Variants in LARGE1 observed in about 807,000 individuals in gnomAD.
LARGE1 encodes LARGE xylosyl- and glucuronyltransferase 1, also known as xylosyl- and glucuronyltransferase LARGE1.
In LARGE1, 43 loss-of-function variants were observed where a neutral mutation model predicts 87.6. The ratio of observed to expected loss-of-function variants is 0.49; its 90% CI spans 0.38 to 0.63. The LOEUF is 0.63. LARGE1 is among the 30% of genes least tolerant of loss of function. The pLI is 0.00. For synonymous variants in LARGE1, 434 were observed against 394.6 expected, an observed-to-expected ratio of 1.10 and a Z score of -1.18; for missense variants, 802 against 1,000.2, an observed-to-expected ratio of 0.80 and a Z score of 2.67.
chr22:33,522,515 A>T (rs2071657726), intron 6 of LARGE1, among the ~76,000 whole-genome samples: 1 of 152,048 alleles, frequency 6.6e-6, no homozygotes, highest in African/African-American at 2.4e-5. Flanking sequence ...CCTGGGCAAC[A>T]TAGGGAGACT....
intron 7 of LARGE1, among the ~76,000 whole-genome samples, 193 bp downstream of exon 7, chr22:33,431,968 C>T (rs554825999): frequency 6.6e-6 from 1 of 152,134 alleles, no homozygotes; most frequent in Non-Finnish European, 1.5e-5. Context: ...TGCCACAGCC[C>T]AACGGTTACT....
chr22:33,447,140 C>T (rs1315448704), intron 6 of LARGE1, among the ~76,000 whole-genome samples: 2 of 152,158 alleles, frequency 1.3e-5, no homozygotes, highest in Admixed American at 1.3e-4. Flanking sequence ...GTGATCCACC[C>T]GTCTTGGCCT....
intron 13 of LARGE1, among the ~76,000 whole-genome samples, chr22:33,279,059 G>A (rs1444509238): frequency 6.6e-6 from 1 of 152,104 alleles, no homozygotes; most frequent in East Asian, 1.9e-4. Flanking sequence ...ACACTTCCTG[G>A]CCTGTTGAAC....
intron 9 of LARGE1, among the ~76,000 whole-genome samples, chr22:33,367,534 C>A (rs1237271283): frequency 6.6e-6 from 1 of 152,116 alleles, no homozygotes; most frequent in Non-Finnish European, 1.5e-5. Context: ...CCTGCCTCAG[C>A]CTCTCTAGGA....
At chr22:33,715,977 C>A (rs375460710) in intron 2 of LARGE1, among the ~76,000 whole-genome samples, 1 of 152,210 alleles carries the variant, frequency 6.6e-6, no homozygotes, top group Non-Finnish European at 1.5e-5. Context: ...TTCCCCATTA[C>A]TAACTACTAA....
At chr22:33,665,612 G>A (rs2081246302) in intron 2 of LARGE1, among the ~76,000 whole-genome samples, 1 of 152,178 alleles carries the variant, frequency 6.6e-6, no homozygotes, top group South Asian at 2.1e-4. Context: ...CAGAAACAGG[G>A]CTGCGCGCGG....
At chr22:33,679,639 C>T (rs568059265) in intron 2 of LARGE1, among the ~76,000 whole-genome samples, 11 of 152,064 alleles carry the variant, frequency 7.2e-5, no homozygotes, top group Admixed American at 2.0e-4. Context: ...GTCAGGAGTT[C>T]GAGACCAGCC....
rs201827970 is a variant in LARGE1, at chr22:33,397,149, CTT to C, written c.893-12847_893-12846del. Among the ~76,000 whole-genome samples, 1,351 of 151,892 alleles carry C rather than the reference CTT, an allele frequency of 8.9e-3. 20 individuals are homozygous for C. The highest frequency in any genetic ancestry group is 0.031 in the African/African-American group (1,278 of 41,400). On this transcript the variant is annotated intron_variant, in intron 7 of 14. Coordinates refer to ENST00000397394, the MANE Select transcript of LARGE1 (RefSeq NM_133642.5). Reference sequence around the variant, plus strand: ...TTTTTTTTTGAGATGGAGTTTCGCTCTTGTTGCCCAGGCTGGAGTACAATGGC... The same window carrying C: ...TTTTTTTTTGAGATGGAGTTTCGCTCGTTGCCCAGGCTGGAGTACAATGGC...
chr22:33,707,004 T>C (rs1479640808), intron 2 of LARGE1, among the ~76,000 whole-genome samples: 2 of 152,212 alleles, frequency 1.3e-5, no homozygotes, highest in Non-Finnish European at 2.9e-5. Flanking sequence ...CTAACATATA[T>C]GTGTTAAGGT....
chr22:33,531,481 T>C (rs1206626021), intron 6 of LARGE1, among the ~76,000 whole-genome samples: 2 of 152,144 alleles, frequency 1.3e-5, no homozygotes, highest in Non-Finnish European at 1.5e-5. Flanking sequence ...ATTATATCAA[T>C]TATCTCTCCA....
In LARGE1 at chr22:33,273,418, T is replaced by G. The variant is rs1417411117; in HGVS notation, c.*1009A>C. On this transcript the variant is annotated 3_prime_UTR_variant, in exon 15 of 15. Transcript: ENST00000397394. ...ATACGTGAATCTTCAGAACTGGGCTTTCATGAATTATGAAAGTTCTTCGAA... is the reference window on the plus strand; with the variant it reads ...ATACGTGAATCTTCAGAACTGGGCTGTCATGAATTATGAAAGTTCTTCGAA... 1 of 398,574 alleles carries G rather than the reference T, an allele frequency of 2.5e-6. No homozygotes were observed. The highest frequency in any genetic ancestry group is 4.4e-6 in the Non-Finnish European group (1 of 226,062). The allele number at this position is 398,574 out of a possible 1,614,324, so 24.7% of individuals were successfully genotyped here.
rs145734210 is a variant in LARGE1 at position 33,776,551 on chromosome 22, T to C, written c.-82-14993A>G. On this transcript the variant is annotated intron_variant, in intron 1 of 14. Coordinates refer to ENST00000397394, the MANE Select transcript of LARGE1 (RefSeq NM_133642.5). ...TTAAATCAGCCCTTAATCACATCCA[T>C]GGGACTACCTATGAAGCCCTGCCTT... is the stretch of plus-strand genomic sequence containing the variant. 7.9e-5 allele frequency among the ~76,000 whole-genome samples: 12 copies of C among 152,350 alleles called. No individual in the cohort carries two copies. The East Asian group carries it at 2.3e-3, about 29-fold the overall frequency.
At chr22:33,789,650 T>TG (rs796071646) in intron 1 of LARGE1, among the ~76,000 whole-genome samples, 1 of 152,200 alleles carries the variant, frequency 6.6e-6, no homozygotes, top group South Asian at 2.1e-4. Flanking sequence ...GCCCACCTCT[T>TG]GCATCAGCAT....
intron 1 of LARGE1, among the ~76,000 whole-genome samples, chr22:33,792,990 T>TC (rs1569449087): frequency 1.3e-5 from 2 of 152,132 alleles, no homozygotes; most frequent in African/African-American, 4.8e-5. Context: ...CAAACAGCTT[T>TC]CCACCCAAAC....
chr22:33,372,933 T>C (rs1483996547), intron 9 of LARGE1, among the ~76,000 whole-genome samples: 1 of 152,188 alleles, frequency 6.6e-6, no homozygotes, highest in Non-Finnish European at 1.5e-5. Context: ...GATATAAGGA[T>C]GTATTTTTGG....
chr22:33,565,858 C>T (rs1249372832), intron 5 of LARGE1, among the ~76,000 whole-genome samples: 1 of 152,122 alleles, frequency 6.6e-6, no homozygotes, highest in Non-Finnish European at 1.5e-5. Flanking sequence ...ATTTTGTGTC[C>T]AAAGGCAAGG....
At chr22:33,238,417 T>G (rs1010923013) in intron 11 of LARGE1, among the ~76,000 whole-genome samples, 1 of 152,190 alleles carries the variant, frequency 6.6e-6, no homozygotes, top group Non-Finnish European at 1.5e-5. Context: ...GGGCGTGATT[T>G]GACAATATCT....
Position 33,707,729 on chromosome 22 carries a change from C to G in LARGE1, c.106+53642G>C, listed in dbSNP as rs1309315683. On this transcript the variant is annotated intron_variant, in intron 2 of 14. Transcript: ENST00000397394. ...GAAGCAAAAGAAGAGGATTTTGTGT[C>G]TCTTTTTAGTTTCCAGATGGAGCTG... is the stretch of plus-strand genomic sequence containing the variant. Among the ~76,000 whole-genome samples the G allele has an allele frequency of 2.0e-5, 3 of 152,236 alleles. No individual in the cohort carries two copies. In the South Asian group the frequency reaches 6.2e-4, roughly 32 times the overall value.
the LARGE1 span, among the ~76,000 whole-genome samples, chr22:33,125,226 T>A: frequency 1.3e-5 from 2 of 152,070 alleles, no homozygotes; most frequent in Non-Finnish European, 2.9e-5. Flanking sequence ...TGGAGATGAG[T>A]CCCGCCTGCC....
Sources: allele counts gnomAD v4.1 joint callset (sites outside exome capture counted in the v4.1 genomes callset), GRCh38; gene constraint gnomAD v4.1.1; transcripts MANE v1.5; gene names NCBI Gene and HGNC (gene_info 2026-07-23, HGNC 2026-07-21).